SWT1: variants seen among roughly 807,000 people sequenced by gnomAD.
SWT1 encodes SWT1 RNA endoribonuclease homolog, also known as transcriptional protein SWT1.
SWT1 carries 33 observed loss-of-function variants against 107.3 expected under a neutral mutation model. The ratio of observed to expected loss-of-function variants is 0.31; its 90% CI spans 0.23 to 0.41. The LOEUF (loss-of-function observed/expected upper bound fraction) is 0.41, where lower values mean the gene tolerates loss of function less well. Among genes scored for constraint, SWT1 ranks in the 10% least tolerant of loss-of-function variants. The pLI is 1.00. For missense variants in SWT1, 898 were observed against 1,028.9 expected (o/e 0.87, Z 1.74); for synonymous variants, 345 against 348.3 (o/e 0.99, Z 0.11).
chr1:185,251,621 A>C (rs1336768103), intron 16 of SWT1, among the ~76,000 whole-genome samples: 3 of 152,010 alleles, frequency 2.0e-5, no homozygotes, highest in African/African-American at 7.2e-5. Context: ...CTTTCTGCCT[A>C]AAAGTTTGTT....
chr1:185,214,570 A>T lies in SWT1; in HGVS notation c.2036A>T (p.His679Leu), dbSNP rs1280215918. 1 of 1,612,232 alleles carries T rather than the reference A, an allele frequency of 6.2e-7. No homozygotes were observed. The highest frequency in any genetic ancestry group is 2.2e-5 in the East Asian group (1 of 44,734). ...FLLQDSRSLL[H>L]AFSTRSNYDG... ...CTTCAGGATTCTAGAAGTTTGTTAC[A>T]TGCTTTCAGTACAAGGTCAAATTAT... The change falls in exon 14 of 19, where the codon CAT becomes CTT. Residue 679 changes from histidine (H) to leucine (L), a missense_variant. By Grantham distance (99) the His-to-Leu change is moderately conservative. This residue lies in a region of SWT1 where 382 missense variants were observed against 460.0 expected (regional missense o/e 0.83). Transcript: ENST00000367500.
At chr1:185,276,701 T>G in intron 18 of SWT1, 33 bp downstream of exon 18, 1 of 1,240,030 alleles carries the variant, frequency 8.1e-7, no homozygotes, top group Non-Finnish European at 1.1e-6. Flanking sequence ...TATAAACCAT[T>G]GTAACAAGCT....
intron 18 of SWT1, among the ~76,000 whole-genome samples, chr1:185,289,847 G>A (rs1243836995): frequency 6.6e-6 from 1 of 152,062 alleles, no homozygotes; most frequent in Admixed American, 6.6e-5. Flanking sequence ...GAGGATGGGG[G>A]GCTTTGAGGA....
intron 10 of SWT1, among the ~76,000 whole-genome samples, chr1:185,195,413 G>A (rs1657300850): frequency 6.6e-6 from 1 of 152,146 alleles, no homozygotes; most frequent in South Asian, 2.1e-4. Flanking sequence ...GGACATTTGG[G>A]TTGGTTCCAA....
chr1:185,273,219 A>G (rs1006051535), intron 17 of SWT1, among the ~76,000 whole-genome samples: 1 of 152,208 alleles, frequency 6.6e-6, no homozygotes, highest in African/African-American at 2.4e-5. Flanking sequence ...AGGCTGGCCA[A>G]CATGATGAAA....
chr1:185,244,787 A>T (rs1294565685), intron 16 of SWT1, among the ~76,000 whole-genome samples: 1 of 152,210 alleles, frequency 6.6e-6, no homozygotes, highest in Non-Finnish European at 1.5e-5. Context: ...CTTAGCTTAG[A>T]ACACAAACAA....
intron 16 of SWT1, among the ~76,000 whole-genome samples, chr1:185,244,739 T>C (rs1300145114): frequency 2.6e-5 from 4 of 152,216 alleles, no homozygotes; most frequent in Non-Finnish European, 5.9e-5. Flanking sequence ...TTATGAACTT[T>C]TGATTTTTTA....
At chr1:185,167,120 A>T (rs1468182786) in intron 3 of SWT1, among the ~76,000 whole-genome samples, 2 of 152,192 alleles carry the variant, frequency 1.3e-5, no homozygotes, top group East Asian at 1.9e-4. Flanking sequence ...GTTGACCAGG[A>T]TGGTCTCAAA....
At chr1:185,272,644 T>C (rs1663953919) in intron 17 of SWT1, among the ~76,000 whole-genome samples, 2 of 152,186 alleles carry the variant, frequency 1.3e-5, no homozygotes. Context: ...TTTCTTCATC[T>C]GTGAAATGAG....
intron 3 of SWT1, 110 bp downstream of exon 3, chr1:185,166,762 T>C: frequency 2.9e-6 from 2 of 689,426 alleles, no homozygotes; most frequent in Non-Finnish European, 2.4e-6. Flanking sequence ...AGAAAGTCAG[T>C]GTTGTTTTCT....
intron 13 of SWT1, among the ~76,000 whole-genome samples, chr1:185,207,045 A>G (rs1558040092): frequency 6.6e-6 from 1 of 152,200 alleles, no homozygotes; most frequent in African/African-American, 2.4e-5. Context: ...ATTTTTGATG[A>G]TGTCTACTTT....
chr1:185,280,672 A>G (rs78777012), intron 18 of SWT1, among the ~76,000 whole-genome samples: 5,981 of 152,236 alleles, frequency 0.039, 287 homozygotes, highest in African/African-American at 0.096. Context: ...GGTTGAGTTA[A>G]TAATCCATCA....
intron 14 of SWT1, among the ~76,000 whole-genome samples, chr1:185,216,270 T>G (rs1659207990): frequency 1.3e-5 from 2 of 152,256 alleles, no homozygotes; most frequent in South Asian, 4.1e-4. Context: ...GCAAGCGTGA[T>G]TTTTAGAACT....
intron 3 of SWT1, among the ~76,000 whole-genome samples, chr1:185,167,829 C>T (rs922225808): frequency 6.6e-6 from 1 of 152,058 alleles, no homozygotes; most frequent in Non-Finnish European, 1.5e-5. Flanking sequence ...GTTATTTTGT[C>T]CACCTGTTTT....
chr1:185,163,537 G>A (rs1345633854), intron 2 of SWT1, among the ~76,000 whole-genome samples: 4 of 151,916 alleles, frequency 2.6e-5, no homozygotes. Context: ...GGGACTACAG[G>A]CACCCGCCAC....
chr1:185,190,531 C>A lies in SWT1; in HGVS notation c.1430-18C>A, dbSNP rs751860365. 10 of 1,472,436 alleles carry A rather than the reference C, an allele frequency of 6.8e-6. No individual in the cohort carries two copies. Among genetic ancestry groups the A allele is most frequent in the Non-Finnish European group, 8.5e-6 (9 of 1,052,698 alleles). 91.2% of individuals were successfully genotyped at this position (1,472,436 alleles called of 1,614,324 possible). A position where few individuals can be genotyped will look rare whatever the true frequency, so the allele number is the denominator to read the frequency against. ...TTTCTAGTGTACTTACTGACTGTTG[C>A]CTTTACTAAATTTGCAGATGGATTG... On this transcript the variant is annotated intron_variant, in intron 9 of 18. Transcript: ENST00000367500.
At chr1:185,191,151 G>C (rs954585389) in intron 10 of SWT1, among the ~76,000 whole-genome samples, 1 of 152,090 alleles carries the variant, frequency 6.6e-6, no homozygotes, top group Non-Finnish European at 1.5e-5. Flanking sequence ...CCTGCCTCAT[G>C]AGATTATTGT....
intron 3 of SWT1, among the ~76,000 whole-genome samples, chr1:185,166,994 A>G (rs1654632677): frequency 6.6e-6 from 1 of 151,774 alleles, no homozygotes; most frequent in Non-Finnish European, 1.5e-5. Flanking sequence ...TGCAACCTCT[A>G]CCTCCTGTGT....
intron 13 of SWT1, among the ~76,000 whole-genome samples, chr1:185,208,519 G>T (rs1054847608): frequency 1.3e-5 from 2 of 152,128 alleles, no homozygotes; most frequent in African/African-American, 4.8e-5. Flanking sequence ...CTATCACAAA[G>T]AAATGATAAA....
Sources: gnomAD v4.1 joint callset for allele counts (sites outside exome capture counted in the v4.1 genomes callset) on GRCh38, gnomAD v4.1.1 for gene constraint, gnomAD v4.1.1 regional missense constraint, MANE v1.5 for transcripts, NCBI Gene and HGNC (gene_info 2026-07-23, HGNC 2026-07-21) for gene names.